RBKS: variants seen among roughly 807,000 people sequenced by gnomAD.
RBKS encodes ribokinase.
RBKS carries 33 observed loss-of-function variants against 33.9 expected under a neutral mutation model. That is an observed-to-expected ratio of 0.97 (90% CI 0.74 to 1.30). RBKS has a LOEUF of 1.30. Among genes scored for constraint, RBKS ranks in the 50% most tolerant of loss-of-function variants. The pLI is 0.00. For missense variants in RBKS, 361 were observed against 392.6 expected, an observed-to-expected ratio of 0.92 and a Z score of 0.68; for synonymous variants, 125 against 143.0, an observed-to-expected ratio of 0.87 and a Z score of 0.90.
At chr2:27,792,624 T>C (rs1421090142) in intron 7 of RBKS, among the ~76,000 whole-genome samples, 1 of 152,130 alleles carries the variant, frequency 6.6e-6, no homozygotes, top group Non-Finnish European at 1.5e-5. Flanking sequence ...ATTTTTCCAC[T>C]TCCTCCCTTG....
chr2:27,856,977 T>A (rs1182835110), intron 2 of RBKS, among the ~76,000 whole-genome samples: 1 of 152,248 alleles, frequency 6.6e-6, no homozygotes. Flanking sequence ...GAGCTCAATC[T>A]TAGCAAAAGA....
intron 1 of RBKS, among the ~76,000 whole-genome samples, chr2:27,859,879 A>C (rs922248386): frequency 2.0e-5 from 3 of 152,214 alleles, no homozygotes; most frequent in African/African-American, 7.2e-5. Flanking sequence ...GACAAGTCCT[A>C]ACAGCCAGTT....
intron 6 of RBKS, among the ~76,000 whole-genome samples, chr2:27,831,218 T>C (rs561033242): frequency 3.3e-5 from 5 of 151,848 alleles, no homozygotes; most frequent in East Asian, 1.9e-4. Context: ...GGTATTTTAT[T>C]ATGCAGCAAT....
At chr2:27,831,772 A>T (rs762711163) in intron 6 of RBKS, among the ~76,000 whole-genome samples, 2 of 152,084 alleles carry the variant, frequency 1.3e-5, no homozygotes, top group African/African-American at 2.4e-5. Flanking sequence ...TACACAAAAT[A>T]AAAAAATTAG....
intron 7 of RBKS, among the ~76,000 whole-genome samples, chr2:27,783,271 C>T (rs1310056078): frequency 2.6e-5 from 4 of 151,976 alleles, no homozygotes; most frequent in African/African-American, 9.7e-5. Flanking sequence ...GGCAAAACCT[C>T]GCCTCTACAA....
At chr2:27,851,369 A>G (rs1663742166) in intron 2 of RBKS, among the ~76,000 whole-genome samples, 1 of 152,090 alleles carries the variant, frequency 6.6e-6, no homozygotes, top group Admixed American at 6.5e-5. Flanking sequence ...TTCCTAATCA[A>G]GCCCATAGTT....
intron 7 of RBKS, among the ~76,000 whole-genome samples, chr2:27,802,837 TG>T (rs1375907909): frequency 6.6e-6 from 1 of 152,192 alleles, no homozygotes; most frequent in Non-Finnish European, 1.5e-5. Flanking sequence ...CCGCGTGGCA[TG>T]GCCTATCTTT....
At chr2:27,820,609 G>T (rs1184795173) in intron 7 of RBKS, among the ~76,000 whole-genome samples, 2 of 150,400 alleles carry the variant, frequency 1.3e-5, no homozygotes, top group African/African-American at 4.9e-5. Flanking sequence ...ACAGGGTCTT[G>T]CTATGTTGCC....
intron 2 of RBKS, 21 bp downstream of exon 2, chr2:27,858,418 T>C (rs1175316363): frequency 3.2e-6 from 5 of 1,575,374 alleles, no homozygotes; most frequent in Non-Finnish European, 4.3e-6. Flanking sequence ...TAGAGTCCTC[T>C]CCACTATACT....
At chr2:27,869,518 G>GTGGTCCCCAGCCTTTTT (rs1247169039) in intron 1 of RBKS, among the ~76,000 whole-genome samples, 2 of 152,218 alleles carry the variant, frequency 1.3e-5, no homozygotes, top group Non-Finnish European at 2.9e-5. Flanking sequence ...CTCTACAGCA[G>GTGGTCCCCAGCCTTTTT]TGGTCCCCAG....
At position 27,810,372 on chromosome 2, in the gene RBKS, A is replaced by G. The variant is rs1677967295; in HGVS notation, c.795+17195T>C. On this transcript the variant is annotated intron_variant, in intron 7 of 7. Coordinates refer to ENST00000302188, the MANE Select transcript of RBKS (RefSeq NM_022128.3). The surrounding 1 kb of genome is among the most constrained non-coding windows in gnomAD (Gnocchi z 4.4). ...AATGAAGGATTGATTTCTGCTCCAA[A>G]TGCTTGCCTGTTACACAGATCATTC... is the stretch of plus-strand genomic sequence containing the variant. 1.3e-5 allele frequency among the ~76,000 whole-genome samples: 2 copies of G among 152,296 alleles called. No homozygotes were observed. The highest frequency in any genetic ancestry group is 4.1e-4 in the South Asian group (2 of 4,830).
intron 5 of RBKS, among the ~76,000 whole-genome samples, chr2:27,836,802 CA>C (rs1678529916): frequency 6.6e-6 from 1 of 151,134 alleles, no homozygotes; most frequent in African/African-American, 2.4e-5. Context: ...AATCGACAAG[CA>C]AAAAACAACT....
chr2:27,840,568 G>A (rs1663473568), intron 5 of RBKS, among the ~76,000 whole-genome samples: 1 of 152,018 alleles, frequency 6.6e-6, no homozygotes, highest in South Asian at 2.1e-4. Context: ...GGGTTACAGT[G>A]CTGAAAACAC....
chr2:27,890,230 A>T lies in RBKS; in HGVS notation c.89+27T>A, dbSNP rs746461331. 1 of 1,608,580 alleles carries T rather than the reference A, an allele frequency of 6.2e-7. No homozygotes were observed. The highest frequency in any genetic ancestry group is 8.5e-7 in the Non-Finnish European group (1 of 1,176,548). ...CGGCACGCCTCCTCCCCCGAGCCGC[A>T]GACTGAGTAACTGGCCCCGGACTAA... is the stretch of plus-strand genomic sequence containing the variant. On this transcript the variant is annotated intron_variant, in intron 1 of 7. Transcript: ENST00000302188. The surrounding 1 kb of genome is among the most constrained non-coding windows in gnomAD (Gnocchi z 4.8).
intron 7 of RBKS, among the ~76,000 whole-genome samples, chr2:27,789,951 A>ATATATATATATGTATATGTG (rs1677485575): frequency 9.0e-6 from 1 of 111,400 alleles, no homozygotes; most frequent in Non-Finnish European, 1.9e-5. Context: ...GTATATGTGT[A>ATATATATATATGTATATGTG]TATATATATA....
At chr2:27,870,710 ATG>A in intron 1 of RBKS, 1 of 451,318 alleles carries the variant, frequency 2.2e-6, no homozygotes, top group Non-Finnish European at 4.5e-6. Context: ...AACCTCTTTG[ATG>A]TGAGTAGTGA....
chr2:27,853,491 T>A (rs1663791611), intron 2 of RBKS, among the ~76,000 whole-genome samples: 1 of 151,728 alleles, frequency 6.6e-6, no homozygotes, highest in South Asian at 2.1e-4. Context: ...AAACCTTGTC[T>A]ACAAAAAATA....
At chr2:27,862,918 C>G (rs546930937) in intron 1 of RBKS, among the ~76,000 whole-genome samples, 1 of 151,882 alleles carries the variant, frequency 6.6e-6, no homozygotes, top group South Asian at 2.1e-4. Flanking sequence ...TTATTGAAAT[C>G]ATGAAATTAT....
At chr2:27,791,734 G>A (rs750619840) in intron 7 of RBKS, among the ~76,000 whole-genome samples, 51 of 151,172 alleles carry the variant, frequency 3.4e-4, no homozygotes, top group Non-Finnish European at 5.0e-4. Flanking sequence ...GATTTCTCTG[G>A]TGAACCCCAA....
Sources: gnomAD v4.1 joint callset for allele counts (sites outside exome capture counted in the v4.1 genomes callset) on GRCh38, gnomAD v4.1.1 for gene constraint, Gnocchi (gnomAD v3.1) non-coding constraint, MANE v1.5 for transcripts, NCBI Gene and HGNC (gene_info 2026-07-23, HGNC 2026-07-21) for gene names.